PTPRU: variants seen among roughly 807,000 people sequenced by gnomAD.
The protein encoded by PTPRU is protein tyrosine phosphatase receptor type U, also known as receptor-type tyrosine-protein phosphatase U.
A neutral mutation model predicts 166.3 loss-of-function variants in PTPRU; 69 were observed. The observed-to-expected ratio is 0.41, with a 90% CI of 0.34 to 0.51. The LOEUF (loss-of-function observed/expected upper bound fraction) is 0.51, where lower values mean the gene tolerates loss of function less well. Among genes scored for constraint, PTPRU ranks in the 20% least tolerant of loss-of-function variants. The pLI, the probability that PTPRU is intolerant of heterozygous loss-of-function variation, is 0.09. For synonymous variants in PTPRU, 793 were observed against 814.0 expected (o/e 0.97, Z 0.44); for missense variants, 1,657 against 2,013.7 (o/e 0.82, Z 3.39).
At chr1:29,244,143 A>G (rs1335813007) in intron 1 of PTPRU, among the ~76,000 whole-genome samples, 1 of 152,032 alleles carries the variant, frequency 6.6e-6, no homozygotes, top group Non-Finnish European at 1.5e-5. Flanking sequence ...TGCTGAGGAT[A>G]TTTGACAGGG....
intron 1 of PTPRU, among the ~76,000 whole-genome samples, chr1:29,247,393 C>T (rs1212837490): frequency 3.1e-4 from 47 of 152,214 alleles, no homozygotes; most frequent in Admixed American, 3.1e-3. Context: ...GTGGGCTCTG[C>T]TCCCTGCATT....
Position 29,294,975 on chromosome 1 carries a change from A to T in PTPRU, c.2476+2949A>T, listed in dbSNP as rs202067591. ...AGGCTATTTAAGTCTTGATATCTGA[A>T]ACATGAAGCTGTGCCAACTTTGTGC... On this transcript the variant is annotated intron_variant, in intron 15 of 29. Transcript: ENST00000373779. Among the ~76,000 whole-genome samples, 13 of 152,234 alleles carry T rather than the reference A, an allele frequency of 8.5e-5. No homozygotes were observed. In the East Asian group the frequency reaches 2.3e-3, roughly 27 times the overall value.
intron 22 of PTPRU, among the ~76,000 whole-genome samples, chr1:29,313,238 G>T (rs1687749639): frequency 6.6e-6 from 1 of 152,084 alleles, no homozygotes; most frequent in Non-Finnish European, 1.5e-5. Context: ...CCAGTACGCT[G>T]TCCTGGCCTG....
intron 12 of PTPRU, among the ~76,000 whole-genome samples, chr1:29,283,257 A>G (rs1390261374): frequency 1.1e-5 from 1 of 90,788 alleles, no homozygotes; most frequent in East Asian, 2.9e-4. Flanking sequence ...CCATAGAGCC[A>G]CCCCCACGGC....
At position 29,280,753 on chromosome 1, in the gene PTPRU, C is replaced by T. The variant is rs1297752155; in HGVS notation, c.1868+612C>T. On this transcript the variant is annotated intron_variant, in intron 11 of 29. Coordinates refer to ENST00000373779, the MANE Select transcript of PTPRU (RefSeq NM_133178.4). This position sits in a 1 kb window ranked among gnomAD's most constrained non-coding sequence, Gnocchi z 4.2. ...GTGTGGTGTGAGTGTGTGTGAGAGG[C>T]GTATATGGGAGACATAAGTGTGCAT... 1.3e-5 allele frequency among the ~76,000 whole-genome samples: 2 copies of T among 151,110 alleles called. No individual in the cohort carries two copies. The highest frequency in any genetic ancestry group is 1.9e-4 in the East Asian group (1 of 5,152).
intron 1 of PTPRU, among the ~76,000 whole-genome samples, chr1:29,253,061 A>G (rs1179146283): frequency 6.6e-6 from 1 of 152,220 alleles, no homozygotes; most frequent in African/African-American, 2.4e-5. Context: ...AATTTGCTGG[A>G]GCAGCTCACA....
Position 29,275,839 on chromosome 1 carries a change from AT to A in PTPRU, c.1453+90del, listed in dbSNP as rs1392054078. 37 of 1,457,200 alleles carry A rather than the reference AT, an allele frequency of 2.5e-5. No homozygotes were observed. The South Asian group carries it at 3.0e-4, about 12-fold the overall frequency. 90.3% of individuals were successfully genotyped at this position (1,457,200 alleles called of 1,614,324 possible). On this transcript the variant is annotated intron_variant, in intron 8 of 29. Transcript: ENST00000373779. Reference sequence around the variant, plus strand: ...TCTGAGACTGAAATTTACTGAGGGTATTTTTTTCTTTTTTTTGCTTAGGATT... The same window carrying A: ...TCTGAGACTGAAATTTACTGAGGGTATTTTTTCTTTTTTTTGCTTAGGATT...
intron 7 of PTPRU, among the ~76,000 whole-genome samples, chr1:29,267,218 G>T (rs1685343067): frequency 6.6e-6 from 1 of 152,142 alleles, no homozygotes; most frequent in South Asian, 2.1e-4. Flanking sequence ...GACAGATCAA[G>T]ATCTTATCTA....
Position 29,316,189 on chromosome 1 carries a change from GTGTC to G in PTPRU, c.3513+42_3513+45del, listed in dbSNP as rs761913746. The stretch of plus-strand genomic sequence containing the variant: ...TGCGTGTGTATAGGTGTGTGTGTGT[GTGTC>G]TGTGTGTGTGTTGGGGCATCCTTAA... On this transcript the variant is annotated intron_variant, in intron 24 of 29. Transcript: ENST00000373779. 7 of 1,592,526 alleles carry G rather than the reference GTGTC, an allele frequency of 4.4e-6. No homozygotes were observed. In the African/African-American group the frequency reaches 5.4e-5, roughly 12 times the overall value.
chr1:29,316,895 C>T (rs1687924181), intron 24 of PTPRU, among the ~76,000 whole-genome samples: 1 of 152,172 alleles, frequency 6.6e-6, no homozygotes, highest in Non-Finnish European at 1.5e-5. Flanking sequence ...CCAGCCTCAC[C>T]ATATCACATG....
chr1:29,304,118 C>A, intron 16 of PTPRU, 73 bp downstream of exon 16: 1 of 1,502,978 alleles, frequency 6.7e-7, no homozygotes. Context: ...TGGACTCTGA[C>A]CCTGGCAACC....
intron 16 of PTPRU, 84 bp from the exon 17 acceptor site, chr1:29,304,690 C>A: frequency 9.3e-7 from 1 of 1,072,242 alleles, no homozygotes. Flanking sequence ...CACCCCCATC[C>A]TGCCTACATC....
Position 29,280,021 on chromosome 1 carries a change from C to A in PTPRU, c.1766-18C>A. ...CCAGTGGCCAAGCTCCAGCTTGTGACCCTGTCCCCTTCTCCAGCTCCCAGC... is the reference window on the plus strand; with the variant it reads ...CCAGTGGCCAAGCTCCAGCTTGTGAACCTGTCCCCTTCTCCAGCTCCCAGC... On this transcript the variant is annotated intron_variant, in intron 10 of 29. Transcript: ENST00000373779. The surrounding 1 kb of genome is among the most constrained non-coding windows in gnomAD (Gnocchi z 4.2). The A allele has an allele frequency of 1.2e-6, 2 of 1,604,072 alleles. No homozygotes were observed. The highest frequency in any genetic ancestry group is 1.7e-6 in the Non-Finnish European group (2 of 1,171,426).
Position 29,325,196 on chromosome 1 carries a change from G to A in PTPRU, c.4118G>A (p.Gly1373Glu). 1 of 1,614,214 alleles carries A rather than the reference G, an allele frequency of 6.2e-7. No homozygotes were observed. Among genetic ancestry groups the A allele is most frequent in the Non-Finnish European group, 8.5e-7 (1 of 1,180,036 alleles). The change falls in exon 29 of 30, where the codon GGG becomes GAG. Residue 1373 changes from glycine to glutamate, a missense_variant. By Grantham distance (98) the Gly-to-Glu change is moderately conservative (BLOSUM62 -2). This residue lies in a region of PTPRU where 1,190 missense variants were observed against 1,477.4 expected (regional missense o/e 0.81). Coordinates refer to ENST00000373779, the MANE Select transcript of PTPRU (RefSeq NM_133178.4). The part of the protein sequence containing the change: ...DGRTIVHCLN[G>E]GGRSGTFCAC... ...CTTTTGCATCTCTCATTCAGAAACG[G>A]GGGAGGACGCAGCGGCACCTTCTGC... is the stretch of plus-strand genomic sequence containing the variant.
chr1:29,259,773 C>T (rs1318079098), intron 5 of PTPRU, 97 bp from the exon 6 acceptor site: 5 of 1,365,672 alleles, frequency 3.7e-6, no homozygotes, highest in Non-Finnish European at 4.8e-6. Flanking sequence ...TATGTCCGCG[C>T]GGTGTAGTAG....
intron 11 of PTPRU, among the ~76,000 whole-genome samples, chr1:29,282,460 A>G (rs565079038): frequency 3.3e-5 from 5 of 152,280 alleles, no homozygotes; most frequent in South Asian, 4.1e-4. Flanking sequence ...TGTTCTTCCC[A>G]TCTATCTTCT....
rs963336355 is a variant in PTPRU at position 29,320,363 on chromosome 1, G to A, written c.3688-322G>A. On this transcript the variant is annotated intron_variant, in intron 25 of 29. Coordinates refer to ENST00000373779, the MANE Select transcript of PTPRU (RefSeq NM_133178.4). The surrounding 1 kb of genome is among the most constrained non-coding windows in gnomAD (Gnocchi z 5.2). Reference sequence around the variant, plus strand: ...CAGCCAAAATAGCAGATGCCGAAGCGCGGAGGCAGGGAGTAAGCTCGGCCA... The same window carrying A: ...CAGCCAAAATAGCAGATGCCGAAGCACGGAGGCAGGGAGTAAGCTCGGCCA... 3.3e-5 allele frequency: 9 copies of A among 270,112 alleles called. No individual in the cohort carries two copies. Among genetic ancestry groups the A allele is most frequent in the East Asian group, 1.3e-4 (2 of 15,586 alleles). The allele number at this position is 270,112 out of a possible 1,614,324, so 16.7% of individuals were successfully genotyped here.
rs4654399 is a variant in PTPRU, at chr1:29,257,694, A to T, written c.206-811A>T. On this transcript the variant is annotated intron_variant, in intron 2 of 29. Coordinates refer to ENST00000373779, the MANE Select transcript of PTPRU (RefSeq NM_133178.4). This position sits in a 1 kb window ranked among gnomAD's most constrained non-coding sequence, Gnocchi z 4.6. Reference sequence around the variant, plus strand: ...TCCTTTCATTCAATCTCTGTTCTACATATTCATTCAGCTTGCGTCCTGAGG... The same window carrying T: ...TCCTTTCATTCAATCTCTGTTCTACTTATTCATTCAGCTTGCGTCCTGAGG... 0.46 allele frequency among the ~76,000 whole-genome samples: 69,421 copies of T among 152,090 alleles called. 17,927 individuals carry two copies. Among genetic ancestry groups the T allele is most frequent in the Non-Finnish European group, 0.59 (39,914 of 67,966 alleles).
chr1:29,284,187 G>T (rs1345338378), intron 13 of PTPRU, among the ~76,000 whole-genome samples: 2 of 152,186 alleles, frequency 1.3e-5, no homozygotes, highest in Non-Finnish European at 2.9e-5. Flanking sequence ...GAGCAGGCTT[G>T]TGGAGAGGAG....
Sources: allele counts gnomAD v4.1 joint callset (sites outside exome capture counted in the v4.1 genomes callset), GRCh38; gene constraint gnomAD v4.1.1; regional missense constraint gnomAD v4.1.1; non-coding constraint Gnocchi (gnomAD v3.1); transcripts MANE v1.5; gene names NCBI Gene and HGNC (gene_info 2026-07-23, HGNC 2026-07-21).